PDE1A: variants seen among roughly 807,000 people sequenced by gnomAD.
PDE1A encodes dual specificity calcium/calmodulin-dependent 3',5'-cyclic nucleotide phosphodiesterase 1A.
Under a neutral mutation model 61.7 loss-of-function variants are expected in PDE1A, and 35 were observed. The ratio of observed to expected loss-of-function variants is 0.57; its 90% CI spans 0.43 to 0.75. The LOEUF (loss-of-function observed/expected upper bound fraction) is 0.75. Ranked by LOEUF, PDE1A falls within the 30% of genes least tolerant of loss-of-function variation. The probability of loss-of-function intolerance (pLI) is 0.00; values close to 1 mark genes in which losing one functional copy is unlikely to be tolerated. For missense variants in PDE1A, 597 were observed against 630.6 expected (o/e 0.95, Z 0.57); for synonymous variants, 232 against 213.2 (o/e 1.09, Z -0.77).
the PDE1A span, among the ~76,000 whole-genome samples, chr2:182,641,069 A>G: frequency 1.3e-5 from 2 of 151,794 alleles, no homozygotes; most frequent in Admixed American, 6.6e-5. Context: ...AAAGCAAGAG[A>G]ACAAACCATG....
At chr2:182,471,342 C>A (rs935923759) in intron 2 of PDE1A, among the ~76,000 whole-genome samples, 1 of 151,690 alleles carries the variant, frequency 6.6e-6, no homozygotes, top group African/African-American at 2.4e-5. Context: ...CACCTAGTCC[C>A]ACAATCATTA....
intron 1 of PDE1A, among the ~76,000 whole-genome samples, chr2:182,335,318 A>C (rs1697723229): frequency 6.6e-6 from 1 of 152,178 alleles, no homozygotes; most frequent in African/African-American, 2.4e-5. Context: ...AGACAATCCT[A>C]AGCAAAAAGA....
At chr2:182,596,730 G>C in the PDE1A span, among the ~76,000 whole-genome samples, 1 of 150,600 alleles carries the variant, frequency 6.6e-6, no homozygotes, top group African/African-American at 2.4e-5. Flanking sequence ...AAAAATGCAA[G>C]AATTTGGGCA....
chr2:182,497,294 A>C (rs1284685161), intron 2 of PDE1A, among the ~76,000 whole-genome samples: 1 of 152,170 alleles, frequency 6.6e-6, no homozygotes, highest in African/African-American at 2.4e-5. Context: ...AGGGGTGGAA[A>C]CCTTAGCAAA....
chr2:182,493,232 CT>C (rs371513720), intron 2 of PDE1A, among the ~76,000 whole-genome samples: 13 of 143,962 alleles, frequency 9.0e-5, no homozygotes, highest in Non-Finnish European at 6.1e-5. Context: ...TCTCGACTAA[CT>C]TTTTTTTTTT....
intron 2 of PDE1A, among the ~76,000 whole-genome samples, chr2:182,438,395 AG>A (rs1293227539): frequency 6.6e-6 from 1 of 151,998 alleles, no homozygotes; most frequent in Non-Finnish European, 1.5e-5. Context: ...GCATATGGAA[AG>A]GTAAATTTTG....
chr2:182,387,281 G>A (rs527933619), intron 1 of PDE1A, among the ~76,000 whole-genome samples: 11 of 152,230 alleles, frequency 7.2e-5, no homozygotes, highest in East Asian at 5.8e-4. Context: ...CAAACACTGC[G>A]GAAGGCTGCA....
intron 1 of PDE1A, among the ~76,000 whole-genome samples, chr2:182,423,766 C>T (rs1222215335): frequency 6.6e-6 from 1 of 151,950 alleles, no homozygotes; most frequent in Non-Finnish European, 1.5e-5. Context: ...GTATTTTTCT[C>T]CCCATATCTG....
At chr2:182,596,108 G>C in the PDE1A span, among the ~76,000 whole-genome samples, 1 of 152,302 alleles carries the variant, frequency 6.6e-6, no homozygotes, top group East Asian at 1.9e-4. Flanking sequence ...TTTCATAAGG[G>C]AGTATTTGAG....
chr2:182,571,629 T>C, the PDE1A span, among the ~76,000 whole-genome samples: 1 of 151,930 alleles, frequency 6.6e-6, no homozygotes, highest in African/African-American at 2.4e-5. Context: ...GAGAGCAAAA[T>C]AGGATGCTAA....
chr2:182,571,510 G>A, the PDE1A span, among the ~76,000 whole-genome samples: 1 of 152,030 alleles, frequency 6.6e-6, no homozygotes, highest in Non-Finnish European at 1.5e-5. Context: ...GAATTATAAG[G>A]AAGCTGATGT....
the PDE1A span, among the ~76,000 whole-genome samples, chr2:182,635,817 T>C: frequency 6.6e-6 from 1 of 152,060 alleles, no homozygotes; most frequent in Non-Finnish European, 1.5e-5. Flanking sequence ...AAATTGTACA[T>C]ATTTAAGGTA....
intron 1 of PDE1A, among the ~76,000 whole-genome samples, chr2:182,407,593 G>T (rs113037849): frequency 3.9e-4 from 59 of 152,104 alleles, no homozygotes; most frequent in African/African-American, 1.3e-3. Flanking sequence ...TGTTGGCCAG[G>T]CTGCTCTCAA....
At chr2:182,425,452 T>C (rs1203938357) in intron 1 of PDE1A, among the ~76,000 whole-genome samples, 3 of 152,180 alleles carry the variant, frequency 2.0e-5, no homozygotes, top group Non-Finnish European at 4.4e-5. Context: ...TAGAGGGGGA[T>C]AGTAATATTA....
chr2:182,522,640 G>A (rs1386073590), intron 1 of PDE1A: 5 of 1,229,188 alleles, frequency 4.1e-6, no homozygotes, highest in Non-Finnish European at 5.1e-6. Flanking sequence ...ATCCGTACAT[G>A]TGAGCCTGCT....
intron 2 of PDE1A, among the ~76,000 whole-genome samples, chr2:182,248,297 A>G (rs965399380): frequency 6.6e-6 from 1 of 152,000 alleles, no homozygotes; most frequent in Admixed American, 6.6e-5. Context: ...AACGTGCTAT[A>G]CAGAAAAAGA....
chr2:182,186,704 T>A, intron 11 of PDE1A, 116 bp from the exon 12 acceptor site: 1 of 955,418 alleles, frequency 1.0e-6, no homozygotes, highest in Non-Finnish European at 1.6e-6. Context: ...AAGAATCAAC[T>A]AAAATATTGG....
chr2:182,201,535 G>A, exon 10 of PDE1A: 1 of 1,613,522 alleles, frequency 6.2e-7, no homozygotes. Context: ...GGAGAATCAG[G>A]GACATGGTTT....
At chr2:182,608,678 A>C in the PDE1A span, among the ~76,000 whole-genome samples, 4 of 152,178 alleles carry the variant, frequency 2.6e-5, no homozygotes, top group African/African-American at 7.2e-5. Context: ...GCCATGCCTG[A>C]GCTTCCGCCG....
Sources: gnomAD v4.1 joint callset for allele counts (sites outside exome capture counted in the v4.1 genomes callset) on GRCh38, gnomAD v4.1.1 for gene constraint, MANE v1.5 for transcripts, NCBI Gene and HGNC (gene_info 2026-07-23, HGNC 2026-07-21) for gene names.